Variants in RBM39 observed in about 807,000 individuals in gnomAD.
RBM39 encodes the protein RNA-binding protein 39.
A neutral mutation model predicts 79.6 loss-of-function variants in RBM39; 12 were observed. That is an observed-to-expected ratio of 0.15 (90% CI 0.10 to 0.24). The LOEUF is 0.24. Ranked by LOEUF, RBM39 falls within the 10% of genes least tolerant of loss-of-function variation. RBM39 has a pLI of 1.00. For synonymous variants in RBM39, 185 were observed against 208.4 expected (o/e 0.89, Z 0.97); for missense variants, 243 against 653.4 (o/e 0.37, Z 6.85).
Position 35,741,036 on chromosome 20 carries a change from T to TTATTTTTTTTTA in RBM39, c.-13-150_-13-149insTAAAAAAAAATA, listed in dbSNP as rs1272606424. On this transcript the variant is annotated intron_variant, in intron 1 of 16. Transcript: ENST00000253363. ...TCCGTGAGTAAACATTTTTCTTTTT[T>TTATTTTTTTTTA]TTTTTTTTTTTTTTTGAGACGGAGT... 3.8e-5 allele frequency: 15 copies of TTATTTTTTTTTA among 393,838 alleles called. No individual in the cohort carries two copies. The Admixed American group carries it at 7.1e-4, about 19-fold the overall frequency. The allele number at this position is 393,838 out of a possible 1,614,324, so 24.4% of individuals were successfully genotyped here.
chr20:35,723,943 G>A (rs1395113783), intron 8 of RBM39, among the ~76,000 whole-genome samples: 1 of 152,082 alleles, frequency 6.6e-6, no homozygotes, highest in African/African-American at 2.4e-5. Context: ...CAGGAGACTG[G>A]GGAGAAAAGA....
At chr20:35,721,981 A>G (rs746027778) in intron 8 of RBM39, 104 bp from the exon 9 acceptor site, 1 of 1,323,992 alleles carries the variant, frequency 7.6e-7, no homozygotes, top group African/African-American at 1.5e-5. Flanking sequence ...AGTGATAAAA[A>G]TACTACCCTA....
chr20:35,740,128 A>C (rs1001144655), intron 2 of RBM39: 1 of 158,882 alleles, frequency 6.3e-6, no homozygotes, highest in Non-Finnish European at 1.4e-5. Flanking sequence ...TAAAACAGTC[A>C]TCAAGTGACT....
chr20:35,705,424 A>T (rs2035597737), intron 14 of RBM39, 94 bp from the exon 15 acceptor site: 1 of 687,606 alleles, frequency 1.5e-6, no homozygotes, highest in Non-Finnish European at 2.3e-6. Flanking sequence ...TCTATGAATT[A>T]AAAAAAATAC....
chr20:35,717,308 A>C (rs908030996), intron 9 of RBM39, among the ~76,000 whole-genome samples: 13 of 152,010 alleles, frequency 8.6e-5, no homozygotes, highest in African/African-American at 2.7e-4. Flanking sequence ...AAAAAAAAAA[A>C]ACAAACTCTA....
chr20:35,721,635 TTAA>T (rs2037954468), intron 9 of RBM39, 102 bp downstream of exon 9: 3 of 1,336,932 alleles, frequency 2.2e-6, no homozygotes, highest in South Asian at 1.5e-5. Flanking sequence ...CCTTATCCTC[TTAA>T]TATTAACTCA....
At chr20:35,709,639 C>T (rs892490508) in intron 12 of RBM39, among the ~76,000 whole-genome samples, 1 of 151,968 alleles carries the variant, frequency 6.6e-6, no homozygotes, top group Non-Finnish European at 1.5e-5. Context: ...TTGGGAAATG[C>T]AAGTATTTAT....
At chr20:35,734,325 T>C (rs1452868414) in intron 3 of RBM39, 5 of 862,422 alleles carry the variant, frequency 5.8e-6, no homozygotes, top group Non-Finnish European at 8.5e-6. Context: ...GACAGAAAAT[T>C]AGGCTACACT....
chr20:35,705,764 T>C (rs2425072), intron 14 of RBM39, among the ~76,000 whole-genome samples: 28,264 of 150,434 alleles, frequency 0.19, 3,023 homozygotes, highest in African/African-American at 0.31. Context: ...AATCCCTGCA[T>C]GCCAGCCTAG....
intron 2 of RBM39, 46 bp downstream of exon 2, chr20:35,740,778 G>A (rs963416485): frequency 6.4e-7 from 1 of 1,560,602 alleles, no homozygotes; most frequent in Non-Finnish European, 8.8e-7. Flanking sequence ...CGTGAATAAT[G>A]CTAAATTAAG....
At chr20:35,731,141 A>G (rs2039325472) in intron 4 of RBM39, among the ~76,000 whole-genome samples, 2 of 152,170 alleles carry the variant, frequency 1.3e-5, no homozygotes, top group Non-Finnish European at 1.5e-5. Flanking sequence ...ATCCTTAACC[A>G]TTCAAATCTT....
At chr20:35,719,299 A>G (rs1485658048) in intron 9 of RBM39, among the ~76,000 whole-genome samples, 1 of 152,074 alleles carries the variant, frequency 6.6e-6, no homozygotes, top group Non-Finnish European at 1.5e-5. Flanking sequence ...CCAAAAGTGC[A>G]GGGATCACAG....
rs543295902 is a variant in RBM39, at chr20:35,722,333, G to A, written c.688-456C>T. On this transcript the variant is annotated intron_variant, in intron 8 of 16. Transcript: ENST00000253363. ...GAGGCAGGAGAATGGCATGAACCCAGGAGGCAGAGCTTGCAGTGAGACGAG... is the reference window on the plus strand; with the variant it reads ...GAGGCAGGAGAATGGCATGAACCCAAGAGGCAGAGCTTGCAGTGAGACGAG... Among the ~76,000 whole-genome samples, 11 of 151,540 alleles carry A rather than the reference G, an allele frequency of 7.3e-5. No homozygotes were observed. The South Asian group carries it at 2.3e-3, about 32-fold the overall frequency.
chr20:35,733,374 G>A (rs2039577911), intron 3 of RBM39, among the ~76,000 whole-genome samples: 1 of 151,514 alleles, frequency 6.6e-6, no homozygotes, highest in African/African-American at 2.4e-5. Context: ...TTGGGAGGCT[G>A]AGGAAGGCAG....
At chr20:35,733,873 G>A (rs747674845) in intron 3 of RBM39, among the ~76,000 whole-genome samples, 5 of 152,252 alleles carry the variant, frequency 3.3e-5, no homozygotes, top group Admixed American at 6.5e-5. Context: ...AGTCTTCACA[G>A]TATACCACCC....
chr20:35,712,711 ATT>A (rs1201213395), intron 12 of RBM39, among the ~76,000 whole-genome samples: 1 of 152,056 alleles, frequency 6.6e-6, no homozygotes, highest in Admixed American at 6.6e-5. Flanking sequence ...TATTATAAAT[ATT>A]TTTTCGATCA....
chr20:35,704,596 A>C lies in RBM39; in HGVS notation c.1493-15T>G. On this transcript the variant is annotated splice_polypyrimidine_tract_variant and intron_variant, in intron 16 of 16. Transcript: ENST00000253363. ...TATCATTTTACCTATTAAAAGAAAC[A>C]GACATGTTGGGTTTAGCATCTTCAT... is the stretch of plus-strand genomic sequence containing the variant. 1 of 1,611,074 alleles carries C rather than the reference A, an allele frequency of 6.2e-7. No individual in the cohort carries two copies. The highest frequency in any genetic ancestry group is 2.2e-5 in the East Asian group (1 of 44,864).
At chr20:35,711,258 C>T (rs1488751313) in intron 12 of RBM39, among the ~76,000 whole-genome samples, 10 of 151,894 alleles carry the variant, frequency 6.6e-5, no homozygotes, top group Non-Finnish European at 1.3e-4. Context: ...TGTCAAAGAA[C>T]ATTATGAACA....
chr20:35,722,637 T>C (rs1279958212), intron 8 of RBM39, among the ~76,000 whole-genome samples: 2 of 151,406 alleles, frequency 1.3e-5, no homozygotes, highest in Non-Finnish European at 2.9e-5. Context: ...CAGTCACATA[T>C]AAAGTAAGCA....
Sources: gnomAD v4.1 joint callset for allele counts (sites outside exome capture counted in the v4.1 genomes callset) on GRCh38, gnomAD v4.1.1 for gene constraint, MANE v1.5 for transcripts, NCBI Gene and HGNC (gene_info 2026-07-23, HGNC 2026-07-21) for gene names.